TOR1AIP2: variants seen among roughly 807,000 people sequenced by gnomAD.
TOR1AIP2 encodes the protein torsin 1A interacting protein 2, also known as torsin-1A-interacting protein 2.
In TOR1AIP2, 20 loss-of-function variants were observed where a neutral mutation model predicts 32.6. The observed-to-expected ratio is 0.61, with a 90% CI of 0.43 to 0.89. The LOEUF (loss-of-function observed/expected upper bound fraction) is 0.89. TOR1AIP2 is among the 40% of genes least tolerant of loss of function. The pLI, the probability that TOR1AIP2 is intolerant of heterozygous loss-of-function variation, is 0.00. For synonymous variants in TOR1AIP2, 214 were observed against 210.8 expected (o/e 1.02, Z -0.13); for missense variants, 456 against 553.8 (o/e 0.82, Z 1.77).
At chr1:179,855,900 C>T (rs1202495731) in intron 3 of TOR1AIP2, among the ~76,000 whole-genome samples, 1 of 152,024 alleles carries the variant, frequency 6.6e-6, no homozygotes, top group Non-Finnish European at 1.5e-5. Context: ...TACTGCTGAC[C>T]AGGCACAGTG....
rs1695683541 is a variant in TOR1AIP2, at chr1:179,840,401, G to A, written c.*5670C>T. 1 of 152,184 alleles carries A rather than the reference G, an allele frequency of 6.6e-6. No homozygotes were observed. The highest frequency in any genetic ancestry group is 1.5e-5 in the Non-Finnish European group (1 of 68,046). 9.4% of individuals were successfully genotyped at this position (152,184 alleles called of 1,614,324 possible). On this transcript the variant is annotated 3_prime_UTR_variant, in exon 7 of 7. Transcript: ENST00000609928. ...AATGTTCTTTTTGGTTCATGTAACT[G>A]CGCTTAGCCAAAGGCAAATTTAGTT... is the stretch of plus-strand genomic sequence containing the variant.
At chr1:179,862,622 AC>A in intron 3 of TOR1AIP2, 4 of 985,376 alleles carry the variant, frequency 4.1e-6, no homozygotes, top group Non-Finnish European at 4.8e-6. Flanking sequence ...TTCATTCCTC[AC>A]GTTTTCCTTG....
At position 179,847,634 on chromosome 1, in the gene TOR1AIP2, C is replaced by G; in HGVS notation, c.556G>C (p.Ala186Pro). ...TLRRRLLAPE[A>P]GSHPQQTQKL... ...TGTGTTTGTTGTGGATGACTTCCAG[C>G]CTCTGGAGAGGAAAAGAATCAATAT... The change falls in exon 6 of 7, where the codon GCT becomes CCT. Residue 186 changes from alanine (A) to proline (P), a missense_variant and splice_region_variant. Transcript: ENST00000609928. The G allele has an allele frequency of 6.2e-7, 1 of 1,600,664 alleles. No individual in the cohort carries two copies. Among genetic ancestry groups the G allele is most frequent in the Non-Finnish European group, 8.6e-7 (1 of 1,167,900 alleles).
In TOR1AIP2 at chr1:179,862,337, C is replaced by T. The variant is rs193162186; in HGVS notation, c.-147+3099G>A. The stretch of plus-strand genomic sequence containing the variant: ...ATAATACTGATCATAATACTATTCT[C>T]GAAAGCACTCTCTCAAAGTAAATTT... On this transcript the variant is annotated intron_variant, in intron 3 of 6. Coordinates refer to ENST00000609928, the MANE Select transcript of TOR1AIP2 (RefSeq NM_001199260.2). 19 of 985,030 alleles carry T rather than the reference C, an allele frequency of 1.9e-5. No individual in the cohort carries two copies. The African/African-American group carries it at 2.8e-4, about 14-fold the overall frequency. The allele number at this position is 985,030 out of a possible 1,614,324, so 61.0% of individuals were successfully genotyped here.
rs1394066582 is a variant in TOR1AIP2, at chr1:179,846,559, TCAGGGTCTCTCTTCC to T, written c.910_924del (p.Gly304_Leu308del). ...TCTGCAACATGGTGGCTCAGGCACT[TCAGGGTCTCTCTTCC>T]CTCCCGAGCTGCTGTAAATATGATG... On this transcript the variant is annotated inframe_deletion, in exon 7 of 7. Transcript: ENST00000609928. The T allele has an allele frequency of 6.2e-7, 1 of 1,614,032 alleles. No individual in the cohort carries two copies. The highest frequency in any genetic ancestry group is 1.3e-5 in the African/African-American group (1 of 74,900).
chr1:179,860,156 T>C, intron 3 of TOR1AIP2: 1 of 985,386 alleles, frequency 1.0e-6, no homozygotes, highest in East Asian at 1.1e-4. Context: ...TTATAATAAT[T>C]CAGCCATCAG....
chr1:179,862,318 C>T (rs372422122), intron 3 of TOR1AIP2: 4 of 984,058 alleles, frequency 4.1e-6, no homozygotes, highest in Non-Finnish European at 3.6e-6. Flanking sequence ...GGCAATAATA[C>T]TGATCATAAT....
Position 179,846,389 on chromosome 1 carries a change from G to A in TOR1AIP2, c.1095C>T (p.His365=), listed in dbSNP as rs1277586014. The A allele has an allele frequency of 3.7e-6, 6 of 1,614,060 alleles. No individual in the cohort carries two copies. Among genetic ancestry groups the A allele is most frequent in the African/African-American group, 1.3e-5 (1 of 74,914 alleles). ...FENGQKAAVV[H]HFESFPAGST... is the part of the protein sequence containing the mutation. ...AGCCGGCAGGGAAGGATTCGAAGTG[G>A]TGTACCACAGCAGCCTTCTGGCCAT... Residue 365 remains histidine, a synonymous_variant, in exon 7 of 7, where the codon CAC becomes CAT. Transcript: ENST00000609928.
Position 179,841,400 on chromosome 1 carries a change from G to T in TOR1AIP2, c.*4671C>A, listed in dbSNP as rs1695713719. 1 of 152,150 alleles carries T rather than the reference G, an allele frequency of 6.6e-6. No homozygotes were observed. Among genetic ancestry groups the T allele is most frequent in the Non-Finnish European group, 1.5e-5 (1 of 68,012 alleles). 9.4% of individuals were successfully genotyped at this position (152,150 alleles called of 1,614,324 possible). A position where few individuals can be genotyped will look rare whatever the true frequency, so the allele number is the denominator to read the frequency against. ...AATGATATATTATTGGCTTTACAAA[G>T]ACATACTGGTTTATGTTTACAACTA... On this transcript the variant is annotated 3_prime_UTR_variant, in exon 7 of 7. Transcript: ENST00000609928.
chr1:179,852,153 G>A (rs145961461), intron 4 of TOR1AIP2, among the ~76,000 whole-genome samples: 2,917 of 151,938 alleles, frequency 0.019, 116 homozygotes, highest in African/African-American at 0.067. Flanking sequence ...GGTGGCAGGC[G>A]CCTGTAATCT....
At chr1:179,869,703 G>T (rs1182704116) in intron 2 of TOR1AIP2, among the ~76,000 whole-genome samples, 1 of 152,180 alleles carries the variant, frequency 6.6e-6, no homozygotes, top group Non-Finnish European at 1.5e-5. Flanking sequence ...CCTAATGGTT[G>T]TACAAAAGAG....
chr1:179,850,409 C>T (rs1696071287), intron 5 of TOR1AIP2, among the ~76,000 whole-genome samples: 1 of 152,238 alleles, frequency 6.6e-6, no homozygotes, highest in African/African-American at 2.4e-5. Flanking sequence ...GTTAAGGATA[C>T]TGTCCCATTA....
rs190229393 is a variant in TOR1AIP2, at chr1:179,844,279, C to T, written c.*1792G>A. 1 of 152,198 alleles carries T rather than the reference C, an allele frequency of 6.6e-6. No homozygotes were observed. Among genetic ancestry groups the T allele is most frequent in the Non-Finnish European group, 1.5e-5 (1 of 68,040 alleles). The allele number at this position is 152,198 out of a possible 1,614,324, so 9.4% of individuals were successfully genotyped here. On this transcript the variant is annotated 3_prime_UTR_variant, in exon 7 of 7. Coordinates refer to ENST00000609928, the MANE Select transcript of TOR1AIP2 (RefSeq NM_001199260.2). ...TCCCAAATCTCTTGGAAGCTTCCTTCGAAGTCCCAAATGCAAATTCTTCCT... is the reference window on the plus strand; with the variant it reads ...TCCCAAATCTCTTGGAAGCTTCCTTTGAAGTCCCAAATGCAAATTCTTCCT...
At chr1:179,853,712 A>C (rs1696199246) in intron 3 of TOR1AIP2, among the ~76,000 whole-genome samples, 2 of 152,226 alleles carry the variant, frequency 1.3e-5, no homozygotes, top group Non-Finnish European at 2.9e-5. Flanking sequence ...TACACATTAA[A>C]AACTTTGATC....
At chr1:179,850,385 T>C (rs1285585922) in intron 5 of TOR1AIP2, among the ~76,000 whole-genome samples, 1 of 152,224 alleles carries the variant, frequency 6.6e-6, no homozygotes. Context: ...CCTATAAAAC[T>C]GAAACATGAC....
At position 179,851,231 on chromosome 1, in the gene TOR1AIP2, A is replaced by C. The variant is rs904025419; in HGVS notation, c.167T>G (p.Val56Gly). Reference protein sequence around the residue: ...ACGLSKDHQEVETEGPESADT... With the variant: ...ACGLSKDHQEGETEGPESADT... ...TGCACTTTCTGGACCTTCTGTCTCT[A>C]CCTCTTGGTGGTCTTTGCTAAGACC... The change falls in exon 5 of 7, where the codon GTA becomes GGA. Residue 56 changes from valine (V) to glycine (G), a missense_variant. Val to Gly is a moderately radical substitution (Grantham distance 109, BLOSUM62 -3). Coordinates refer to ENST00000609928, the MANE Select transcript of TOR1AIP2 (RefSeq NM_001199260.2). 6.2e-7 allele frequency: 1 copy of C among 1,607,518 alleles called. No homozygotes were observed. Among genetic ancestry groups the C allele is most frequent in the Non-Finnish European group, 8.5e-7 (1 of 1,177,364 alleles).
chr1:179,858,207 ATATT>A (rs1696379009), intron 3 of TOR1AIP2, among the ~76,000 whole-genome samples: 1 of 152,196 alleles, frequency 6.6e-6, no homozygotes, highest in African/African-American at 2.4e-5. Flanking sequence ...GTATGTATAT[ATATT>A]TGATACTAAT....
rs146874344 is a variant in TOR1AIP2, at chr1:179,860,105, C to G, written c.-147+5331G>C. ...TCAAGCCATCCTCCTGCCTCAGCCT[C>G]CCAAAGTGCTGGAATTACAGTGAGC... is the stretch of plus-strand genomic sequence containing the variant. On this transcript the variant is annotated intron_variant, in intron 3 of 6. Coordinates refer to ENST00000609928, the MANE Select transcript of TOR1AIP2 (RefSeq NM_001199260.2). 6,605 of 980,412 alleles carry G rather than the reference C, an allele frequency of 6.7e-3. 37 individuals are homozygous for G. Among genetic ancestry groups the G allele is most frequent in the South Asian group, 0.018 (390 of 21,200 alleles). 60.7% of individuals were successfully genotyped at this position (980,412 alleles called of 1,614,324 possible). A position where few individuals can be genotyped will look rare whatever the true frequency, so the allele number is the denominator to read the frequency against.
Position 179,846,400 on chromosome 1 carries a change from C to A in TOR1AIP2, c.1084G>T (p.Ala362Ser). The change falls in exon 7 of 7, where the codon GCT (alanine) becomes TCT (serine). Residue 362 changes from alanine (A) to serine (S), a missense_variant. Transcript: ENST00000609928. ...AAGGATTCGAAGTGGTGTACCACAG[C>A]AGCCTTCTGGCCATTCTCAAACCCA... ...SYGFENGQKA[A>S]VVHHFESFPA... is the part of the protein sequence containing the mutation. 6.2e-7 allele frequency: 1 copy of A among 1,614,198 alleles called. No homozygotes were observed. Among genetic ancestry groups the A allele is most frequent in the Non-Finnish European group, 8.5e-7 (1 of 1,180,038 alleles).
Sources: allele counts gnomAD v4.1 joint callset (sites outside exome capture counted in the v4.1 genomes callset), GRCh38; gene constraint gnomAD v4.1.1; transcripts MANE v1.5; gene names NCBI Gene and HGNC (gene_info 2026-07-23, HGNC 2026-07-21).